DHRSX: variants seen among roughly 807,000 people sequenced by gnomAD.
The protein encoded by DHRSX is polyprenol dehydrogenase.
DHRSX carries 31 observed loss-of-function variants against 34.0 expected under a neutral mutation model. The observed-to-expected ratio is 0.91, with a 90% CI of 0.69 to 1.23. DHRSX has a LOEUF of 1.23. DHRSX is among the 50% of genes most tolerant of loss of function. The probability of loss-of-function intolerance (pLI) is 0.00; values close to 1 mark genes in which losing one functional copy is unlikely to be tolerated. For synonymous variants in DHRSX, 201 were observed against 183.8 expected (o/e 1.09, Z -0.76); for missense variants, 414 against 428.1 (o/e 0.97, Z 0.29).
chrX:2,230,949 G>C (rs934259201), intron 6 of DHRSX, among the ~76,000 whole-genome samples: 1 of 152,152 alleles, frequency 6.6e-6, no homozygotes, highest in African/African-American at 2.4e-5. Flanking sequence ...GGTCTCAATG[G>C]CAGAGAGTCT....
chrX:2,359,207 C>A (rs1044937260), intron 3 of DHRSX, among the ~76,000 whole-genome samples: 2 of 152,128 alleles, frequency 1.3e-5, no homozygotes, highest in African/African-American at 4.8e-5. Flanking sequence ...CCTCAAAGAC[C>A]TAAAAACAGA....
At chrX:2,443,000 G>A (rs959657583) in intron 1 of DHRSX, among the ~76,000 whole-genome samples, 1 of 152,144 alleles carries the variant, frequency 6.6e-6, no homozygotes, top group Non-Finnish European at 1.5e-5. Context: ...TTGAAATCAA[G>A]AGGGAGGCGG....
intron 1 of DHRSX, among the ~76,000 whole-genome samples, chrX:2,485,185 G>A (rs1393838363): frequency 6.6e-6 from 1 of 152,080 alleles, no homozygotes; most frequent in Non-Finnish European, 1.5e-5. Flanking sequence ...GAACCGTCGG[G>A]GTTAGGGAAA....
At chrX:2,453,349 C>G (rs1225994654) in intron 1 of DHRSX, among the ~76,000 whole-genome samples, 1 of 150,070 alleles carries the variant, frequency 6.7e-6, no homozygotes, top group Admixed American at 6.7e-5. Context: ...GCCTGGGCAA[C>G]AGAATGAAAC....
chrX:2,361,571 G>T (rs1454862347), intron 3 of DHRSX, among the ~76,000 whole-genome samples: 1 of 152,106 alleles, frequency 6.6e-6, no homozygotes, highest in South Asian at 2.1e-4. Flanking sequence ...TGGTATTAAT[G>T]ATTGAATTTT....
intron 1 of DHRSX, among the ~76,000 whole-genome samples, chrX:2,459,836 G>A (rs373037249): frequency 1.3e-5 from 2 of 152,036 alleles, no homozygotes; most frequent in Admixed American, 6.6e-5. Context: ...GGCCGGGCGC[G>A]GTGGCTCACG....
chrX:2,245,833 G>A (rs781503496), intron 5 of DHRSX, among the ~76,000 whole-genome samples: 1 of 150,902 alleles, frequency 6.6e-6, no homozygotes, highest in Admixed American at 6.6e-5. Flanking sequence ...ATGGTGGCAT[G>A]TGCCTGTAGT....
intron 3 of DHRSX, among the ~76,000 whole-genome samples, chrX:2,312,767 G>A (rs2042178941): frequency 6.6e-6 from 1 of 152,094 alleles, no homozygotes; most frequent in Non-Finnish European, 1.5e-5. Context: ...CCTCTGGCAT[G>A]AAGACCTCAG....
At chrX:2,331,398 G>A (rs181901777) in intron 3 of DHRSX, among the ~76,000 whole-genome samples, 3,466 of 148,216 alleles carry the variant, frequency 0.023, 66 homozygotes, top group Non-Finnish European at 0.037. Flanking sequence ...GTTCTAAATG[G>A]CATTCAGAAT....
At chrX:2,377,620 G>A (rs774988087) in intron 3 of DHRSX, among the ~76,000 whole-genome samples, 1 of 152,268 alleles carries the variant, frequency 6.6e-6, no homozygotes, top group East Asian at 1.9e-4. Context: ...AGGATTGCTA[G>A]CTAGCGAAGG....
At chrX:2,479,925 A>G (rs1376625809) in intron 1 of DHRSX, among the ~76,000 whole-genome samples, 1 of 152,192 alleles carries the variant, frequency 6.6e-6, no homozygotes, top group Admixed American at 6.5e-5. Context: ...CGCCATGGAC[A>G]CTGGGAAGAC....
chrX:2,471,933 G>A (rs1426625133), intron 1 of DHRSX, among the ~76,000 whole-genome samples: 4 of 151,820 alleles, frequency 2.6e-5, no homozygotes, highest in Non-Finnish European at 4.4e-5. Context: ...ATTAACTGAG[G>A]TCAGGAGTTC....
chrX:2,271,038 G>C (rs974841723), intron 4 of DHRSX, among the ~76,000 whole-genome samples: 10 of 152,176 alleles, frequency 6.6e-5, no homozygotes, highest in Non-Finnish European at 1.2e-4. Flanking sequence ...GAGCCAGCTT[G>C]TGTCCCCTTC....
chrX:2,378,429 C>T (rs1490701871), intron 3 of DHRSX, among the ~76,000 whole-genome samples: 1 of 152,140 alleles, frequency 6.6e-6, no homozygotes, highest in African/African-American at 2.4e-5. Context: ...CCTCTGCCAC[C>T]CGAGACACCC....
chrX:2,250,550 C>A (rs903348517), intron 5 of DHRSX, among the ~76,000 whole-genome samples: 2 of 152,076 alleles, frequency 1.3e-5, no homozygotes, highest in Non-Finnish European at 2.9e-5. Context: ...TAGACCATGT[C>A]ATGGCATCTG....
intron 1 of DHRSX, among the ~76,000 whole-genome samples, chrX:2,447,153 G>A (rs750670116): frequency 2.7e-5 from 4 of 149,908 alleles, no homozygotes; most frequent in South Asian, 2.1e-4. Context: ...CACTGAAGAC[G>A]TTCCCTAAGC....
At chrX:2,253,875 A>C (rs2016499358) in intron 5 of DHRSX, among the ~76,000 whole-genome samples, 2 of 152,182 alleles carry the variant, frequency 1.3e-5, no homozygotes, top group Admixed American at 1.3e-4. Flanking sequence ...CCTGGCTAAC[A>C]GGGTGAAACC....
At chrX:2,489,123 T>C (rs1569344534) in intron 1 of DHRSX, 3 of 1,613,676 alleles carry the variant, frequency 1.9e-6, no homozygotes, top group Admixed American at 1.7e-5. Flanking sequence ...GATGTCCGCA[T>C]GAGCTTCTTG....
intron 1 of DHRSX, among the ~76,000 whole-genome samples, chrX:2,463,639 T>C (rs955334017): frequency 5.9e-5 from 9 of 151,866 alleles, no homozygotes; most frequent in African/African-American, 1.5e-4. Context: ...AAGAAGGATG[T>C]GGACAAGGGA....
Sources: gnomAD v4.1 joint callset for allele counts (sites outside exome capture counted in the v4.1 genomes callset) on GRCh38, gnomAD v4.1.1 for gene constraint, MANE v1.5 for transcripts, NCBI Gene and HGNC (gene_info 2026-07-23, HGNC 2026-07-21) for gene names.